Variants in MTHFD2L observed in about 807,000 individuals in gnomAD.
MTHFD2L encodes methylenetetrahydrofolate dehydrogenase (NADP+ dependent) 2 like, also known as bifunctional methylenetetrahydrofolate dehydrogenase/cyclohydrolase 2, mitochondrial.
In MTHFD2L, 29 loss-of-function variants were observed where a neutral mutation model predicts 34.9. That is an observed-to-expected ratio of 0.83 (90% CI 0.62 to 1.13). The LOEUF is 1.13. MTHFD2L is among the 50% of genes most tolerant of loss of function. The pLI, the probability that MTHFD2L is intolerant of heterozygous loss-of-function variation, is 0.00. For synonymous variants in MTHFD2L, 167 were observed against 155.7 expected, an observed-to-expected ratio of 1.07 and a Z score of -0.54; for missense variants, 481 against 446.5, an observed-to-expected ratio of 1.08 and a Z score of -0.70.
At chr4:74,221,750 AATAT>A (rs1265300293) in intron 5 of MTHFD2L, among the ~76,000 whole-genome samples, 1 of 150,932 alleles carries the variant, frequency 6.6e-6, no homozygotes, top group East Asian at 1.9e-4. Flanking sequence ...TTTTATGATA[AATAT>A]ATATGGTAAA....
upstream of MTHFD2L, among the ~76,000 whole-genome samples, chr4:74,119,495 A>C (rs1246791022): frequency 6.6e-6 from 1 of 152,190 alleles, no homozygotes; most frequent in Non-Finnish European, 1.5e-5. Context: ...ATTTAAAAGA[A>C]AATACTGGCC....
intron 1 of MTHFD2L, among the ~76,000 whole-genome samples, chr4:74,151,424 A>G (rs1578262025): frequency 6.6e-6 from 1 of 152,326 alleles, no homozygotes; most frequent in African/African-American, 2.4e-5. Flanking sequence ...GTAGCATGCA[A>G]ACTTTTCCAG....
chr4:74,282,528 G>A (rs998789682), intron 7 of MTHFD2L, among the ~76,000 whole-genome samples: 4 of 152,098 alleles, frequency 2.6e-5, no homozygotes, highest in Middle Eastern at 6.8e-3. Flanking sequence ...GCATATTGTT[G>A]AATAAAATAG....
At chr4:74,158,358 C>A in intron 1 of MTHFD2L, 77 bp downstream of exon 1, 1 of 1,080,570 alleles carries the variant, frequency 9.3e-7, no homozygotes. Flanking sequence ...CGCTCGCGCG[C>A]GTGGGGCCCA....
At chr4:74,185,899 T>G (rs755249602) in intron 3 of MTHFD2L, among the ~76,000 whole-genome samples, 5 of 152,170 alleles carry the variant, frequency 3.3e-5, no homozygotes, top group Non-Finnish European at 5.9e-5. Context: ...AGCATTACTC[T>G]GTTACTAAAA....
intron 3 of MTHFD2L, chr4:74,183,846 A>G (rs1442631164): frequency 6.6e-6 from 1 of 152,092 alleles, no homozygotes; most frequent in African/African-American, 2.4e-5. Flanking sequence ...ATTTTAGAAG[A>G]TAATTAATGT....
intron 6 of MTHFD2L, among the ~76,000 whole-genome samples, chr4:74,246,566 T>C (rs1249135910): frequency 6.6e-6 from 1 of 152,204 alleles, no homozygotes; most frequent in Non-Finnish European, 1.5e-5. Context: ...GCCTATGTCC[T>C]GAATGGTAAT....
chr4:74,197,716 G>A (rs1309596461), intron 3 of MTHFD2L, among the ~76,000 whole-genome samples: 1 of 152,128 alleles, frequency 6.6e-6, no homozygotes, highest in Non-Finnish European at 1.5e-5. Context: ...TCTTTAAAAT[G>A]GGCATGATCA....
At chr4:74,123,949 T>G (rs1023891946), upstream of MTHFD2L, among the ~76,000 whole-genome samples, 5 of 152,156 alleles carry the variant, frequency 3.3e-5, no homozygotes, top group Non-Finnish European at 7.4e-5. Context: ...GTGTAATATT[T>G]GCATTGATGT....
intron 2 of MTHFD2L, among the ~76,000 whole-genome samples, chr4:74,117,298 C>T (rs533192700): frequency 2.6e-5 from 4 of 152,216 alleles, no homozygotes; most frequent in South Asian, 4.1e-4. Flanking sequence ...AAGACTAACA[C>T]TGTTTAGCAG....
At chr4:74,270,882 A>G (rs970077940) in intron 6 of MTHFD2L, among the ~76,000 whole-genome samples, 1 of 151,972 alleles carries the variant, frequency 6.6e-6, no homozygotes, top group Non-Finnish European at 1.5e-5. Context: ...GTGAGATGGT[A>G]TCTCATTGTG....
intron 1 of MTHFD2L, chr4:74,159,920 C>G (rs528377408): frequency 3.2e-6 from 1 of 308,316 alleles, no homozygotes; most frequent in African/African-American, 2.2e-5. Flanking sequence ...TTTTGACGCC[C>G]TCTTTGTACT....
intron 5 of MTHFD2L, among the ~76,000 whole-genome samples, chr4:74,218,775 G>A (rs558947436): frequency 3.3e-5 from 5 of 151,940 alleles, no homozygotes; most frequent in South Asian, 4.2e-4. Flanking sequence ...TGCTCAGGTG[G>A]GTCCTAGTTG....
At chr4:74,143,302 T>C (rs1723390425) in intron 1 of MTHFD2L, 1 of 508,510 alleles carries the variant, frequency 2.0e-6, no homozygotes, top group Non-Finnish European at 2.5e-6. Context: ...AATTTGAGTG[T>C]AGAATGGAGT....
intron 7 of MTHFD2L, among the ~76,000 whole-genome samples, chr4:74,288,809 G>A (rs1375818341): frequency 6.6e-6 from 1 of 152,120 alleles, no homozygotes; most frequent in African/African-American, 2.4e-5. Context: ...TCACCTAAAT[G>A]TCTTTAATTC....
At chr4:74,295,278 G>A (rs554129741) in intron 7 of MTHFD2L, among the ~76,000 whole-genome samples, 2 of 152,026 alleles carry the variant, frequency 1.3e-5, no homozygotes, top group South Asian at 4.2e-4. Flanking sequence ...TAAATTTATT[G>A]TCAGATCCAA....
At chr4:74,172,388 GATT>G (rs1332850214) in intron 1 of MTHFD2L, among the ~76,000 whole-genome samples, 12 of 152,142 alleles carry the variant, frequency 7.9e-5, no homozygotes, top group Admixed American at 6.5e-5. Context: ...AGCAGAACAA[GATT>G]ATTATATTGA....
At chr4:74,227,938 C>G (rs988150459) in intron 6 of MTHFD2L, among the ~76,000 whole-genome samples, 6 of 152,072 alleles carry the variant, frequency 3.9e-5, no homozygotes, top group African/African-American at 1.2e-4. Context: ...TAGTTTCAAT[C>G]AAATTTAATA....
chr4:74,133,895 A>G (rs1175341339), intron 1 of MTHFD2L, among the ~76,000 whole-genome samples: 5 of 152,140 alleles, frequency 3.3e-5, no homozygotes, highest in African/African-American at 1.2e-4. Context: ...CTTCACCAGC[A>G]GCAACCCAGA....
Sources: gnomAD v4.1 joint callset for allele counts (sites outside exome capture counted in the v4.1 genomes callset) on GRCh38, gnomAD v4.1.1 for gene constraint, MANE v1.5 for transcripts, NCBI Gene and HGNC (gene_info 2026-07-23, HGNC 2026-07-21) for gene names.